LCOR: variants seen among roughly 807,000 people sequenced by gnomAD.
LCOR encodes the protein ligand dependent nuclear receptor corepressor.
A neutral mutation model predicts 64.4 loss-of-function variants in LCOR; 14 were observed. The ratio of observed to expected loss-of-function variants is 0.22; its 90% CI spans 0.14 to 0.34. LCOR has a LOEUF of 0.34. Ranked by LOEUF, LCOR falls within the 10% of genes least tolerant of loss-of-function variation. The pLI, the probability that LCOR is intolerant of heterozygous loss-of-function variation, is 1.00. For synonymous variants in LCOR, 643 were observed against 642.5 expected (o/e 1.00, Z -0.01); for missense variants, 1,686 against 1,765.3 (o/e 0.96, Z 0.80).
In LCOR at chr10:96,842,637, T is replaced by C. The variant is rs189951687; in HGVS notation, c.-330+9158T>C. ...GCTTTTTTTTCTTTTCTTTTCTTTTTTTTTTTTTTTTGAGACTGAGTCTGG... is the reference window on the plus strand; with the variant it reads ...GCTTTTTTTTCTTTTCTTTTCTTTTCTTTTTTTTTTTGAGACTGAGTCTGG... On this transcript the variant is annotated intron_variant, in intron 2 of 7. Coordinates refer to ENST00000421806, the MANE Select transcript of LCOR (RefSeq NM_001346516.2). 3.3e-3 allele frequency among the ~76,000 whole-genome samples: 489 copies of C among 149,922 alleles called. 2 individuals carry two copies. The highest frequency in any genetic ancestry group is 0.011 in the African/African-American group (450 of 40,966).
chr10:96,983,211 CAAA>C lies in LCOR; in HGVS notation c.2752_2754del (p.Lys918del), dbSNP rs778221901. The C allele has an allele frequency of 1.9e-5, 30 of 1,614,120 alleles. No homozygotes were observed. In the East Asian group the frequency reaches 6.2e-4, roughly 34 times the overall value. On this transcript the variant is annotated inframe_deletion, in exon 8 of 8. Transcript: ENST00000421806. This position sits in a 1 kb window ranked among gnomAD's most constrained non-coding sequence, Gnocchi z 4.5. ...GGCAGACTTTGAAAAACATGCTGGA[CAAA>C]GAAGTCAAGGAGTTACGAGGAGAGA...
chr10:96,870,218 C>T, intron 2 of LCOR, among the ~76,000 whole-genome samples: 1 of 151,770 alleles, frequency 6.6e-6, no homozygotes, highest in Non-Finnish European at 1.5e-5. Flanking sequence ...GACGGGGTTT[C>T]ACCAGGATGG....
rs142231030 is a variant in LCOR at position 96,982,109 on chromosome 10, C to A, written c.1649C>A (p.Ala550Asp). 1.9e-6 allele frequency: 3 copies of A among 1,614,074 alleles called. No individual in the cohort carries two copies. The African/African-American group carries it at 4.0e-5, about 22-fold the overall frequency. Residue 550 changes from alanine to aspartate, a missense_variant, in exon 8 of 8, where the codon GCC (alanine) becomes GAC (aspartate). Physicochemically the swap from Ala to Asp is moderately radical, Grantham distance 126 (BLOSUM62 -2). This residue lies in a region of LCOR where 1,293 missense variants were observed against 1,410.4 expected (regional missense o/e 0.92). Transcript: ENST00000421806. Reference sequence around the variant, plus strand: ...CCTAAGCAGACCCTTACAATTCCAGCCCCTAGACATACAGTAGATGTGCAG... The same window carrying A: ...CCTAAGCAGACCCTTACAATTCCAGACCCTAGACATACAGTAGATGTGCAG... ...FTPKQTLTIPAPRHTVDVQLP... is the reference protein window; with the variant it reads ...FTPKQTLTIPDPRHTVDVQLP...
intron 7 of LCOR, among the ~76,000 whole-genome samples, chr10:96,979,007 A>G (rs1848060389): frequency 6.6e-6 from 1 of 152,234 alleles, no homozygotes; most frequent in Non-Finnish European, 1.5e-5. Context: ...TAAATGTCAG[A>G]GCCAAAGGTG....
At chr10:96,832,879 C>T (rs1589590798) in intron 1 of LCOR, 2 of 590,298 alleles carry the variant, frequency 3.4e-6, no homozygotes, top group South Asian at 1.5e-4. Context: ...GCCACCCCTC[C>T]CCCACGCGCG....
intron 2 of LCOR, among the ~76,000 whole-genome samples, chr10:96,835,025 C>G (rs915768119): frequency 1.3e-5 from 2 of 152,164 alleles, no homozygotes; most frequent in African/African-American, 2.4e-5. Flanking sequence ...GTCAGCCTCC[C>G]GAGTAGCTGG....
At position 96,935,139 on chromosome 10, in the gene LCOR, C is replaced by CTTT. The variant is rs34176037; in HGVS notation, c.-183-8949_-183-8947dup. On this transcript the variant is annotated intron_variant, in intron 4 of 7. Transcript: ENST00000421806. ...TTTTCCTTATCTCCTGGCTATTTTA[C>CTTT]TTTTTTTTTTTTTTTTTTTTTTTTT... Among the ~76,000 whole-genome samples, 21 of 65,558 alleles carry CTTT rather than the reference C, an allele frequency of 3.2e-4. 1 individual carries two copies. Among genetic ancestry groups the CTTT allele is most frequent in the East Asian group, 1.7e-3 (3 of 1,796 alleles). The allele number at this position is 65,558 out of a possible 152,430, so 43.0% of individuals were successfully genotyped here. A position where few individuals can be genotyped will look rare whatever the true frequency, so the allele number is the denominator to read the frequency against.
chr10:96,846,969 A>C (rs986310845), intron 2 of LCOR, among the ~76,000 whole-genome samples: 19 of 152,218 alleles, frequency 1.2e-4, no homozygotes, highest in African/African-American at 4.6e-4. Context: ...AGAAAAGAGA[A>C]ATCAGGCTGG....
intron 4 of LCOR, among the ~76,000 whole-genome samples, chr10:96,928,219 C>G (rs908707954): frequency 6.6e-6 from 1 of 152,134 alleles, no homozygotes; most frequent in Admixed American, 6.5e-5. Context: ...GCATTTTACC[C>G]GTAGTAGAAC....
chr10:96,956,397 A>G lies in LCOR; in HGVS notation c.332+4201A>G, dbSNP rs971755068. The G allele has an allele frequency of 5.5e-5, 54 of 984,662 alleles. No individual in the cohort carries two copies. In the South Asian group the frequency reaches 2.2e-3, roughly 39 times the overall value. The allele number at this position is 984,662 out of a possible 1,614,324, so 61.0% of individuals were successfully genotyped here. ...ACAAAATTATTCACATTTTTCATCT[A>G]CGATTCAACTAATCGAAGGATTAAA... is the stretch of plus-strand genomic sequence containing the variant. On this transcript the variant is annotated intron_variant, in intron 7 of 7. Transcript: ENST00000421806.
chr10:96,915,486 A>G (rs2134463831), intron 4 of LCOR: 1 of 397,752 alleles, frequency 2.5e-6, no homozygotes, highest in Non-Finnish European at 4.7e-6. Context: ...GCGCCACTGC[A>G]CTCCAGCCTG....
intron 2 of LCOR, among the ~76,000 whole-genome samples, chr10:96,846,657 C>T (rs192197213): frequency 5.7e-4 from 86 of 152,188 alleles, no homozygotes; most frequent in African/African-American, 2.0e-3. Context: ...TTTTTATTTG[C>T]GTATATATTT....
rs78801672 is a variant in LCOR at position 96,926,834 on chromosome 10, T to G, written c.-183-17279T>G. On this transcript the variant is annotated intron_variant, in intron 4 of 7. Coordinates refer to ENST00000421806, the MANE Select transcript of LCOR (RefSeq NM_001346516.2). ...ACTTCTTTTTGTTAGCATAATTTTT[T>G]GGGTTTTATTTTTGTTTTTGTATAT... Among the ~76,000 whole-genome samples the G allele has an allele frequency of 2.0e-3, 307 of 152,292 alleles. 4 individuals are homozygous for G. The East Asian group carries it at 0.044, about 22-fold the overall frequency.
intron 4 of LCOR, among the ~76,000 whole-genome samples, chr10:96,920,646 A>G (rs12777399): frequency 1.4e-5 from 2 of 139,260 alleles, no homozygotes; most frequent in Admixed American, 7.1e-5. Context: ...ATATATGTGT[A>G]TATATGTGTA....
At chr10:96,844,053 A>G (rs1048554518) in intron 2 of LCOR, among the ~76,000 whole-genome samples, 2 of 151,638 alleles carry the variant, frequency 1.3e-5, no homozygotes, top group African/African-American at 4.9e-5. Context: ...GGGATTGGAA[A>G]TCAAAATTTT....
In LCOR at chr10:96,969,774, C is replaced by CTT. The variant is rs58881683; in HGVS notation, c.333-11005_333-11004dup. ...CAACAATTTTCTTTCTTTTTTTTTT[C>CTT]TTTTTTTTTTTTTTTCTTTTTTGAG... On this transcript the variant is annotated intron_variant, in intron 7 of 7. Transcript: ENST00000421806. 5.4e-3 allele frequency among the ~76,000 whole-genome samples: 669 copies of CTT among 124,114 alleles called. 8 individuals carry two copies. Among genetic ancestry groups the CTT allele is most frequent in the African/African-American group, 0.017 (550 of 32,592 alleles). The allele number at this position is 124,114 out of a possible 152,430, so 81.4% of individuals were successfully genotyped here.
intron 2 of LCOR, among the ~76,000 whole-genome samples, chr10:96,839,537 T>G (rs1845502998): frequency 6.6e-6 from 1 of 152,194 alleles, no homozygotes; most frequent in Non-Finnish European, 1.5e-5. Flanking sequence ...CACAAATGTT[T>G]TGAATGAATC....
chr10:96,965,566 G>A (rs1271270780), intron 7 of LCOR, among the ~76,000 whole-genome samples: 1 of 149,926 alleles, frequency 6.7e-6, no homozygotes, highest in Non-Finnish European at 1.5e-5. Flanking sequence ...GGAGGCTGAG[G>A]CAGGAGAATG....
At position 96,982,732 on chromosome 10, in the gene LCOR, C is replaced by G. The variant is rs1848103639; in HGVS notation, c.2272C>G (p.Pro758Ala). The change falls in exon 8 of 8, where the codon CCC (proline) becomes GCC (alanine). Residue 758 changes from proline to alanine, a missense_variant. Around this residue, in one of 3 missense-constraint regions of LCOR, gnomAD observed 1,293 missense variants for 1,410.4 expected, o/e 0.92. Coordinates refer to ENST00000421806, the MANE Select transcript of LCOR (RefSeq NM_001346516.2). ...KESSTFTDENPSETEESEAAG... is the reference protein window; with the variant it reads ...KESSTFTDENASETEESEAAG... ...AAGCAGCACTTTTACTGATGAAAAC[C>G]CCAGTGAAACTGAGGAAAGTGAGGC... The G allele has an allele frequency of 6.2e-7, 1 of 1,614,084 alleles. No individual in the cohort carries two copies. Among genetic ancestry groups the G allele is most frequent in the Non-Finnish European group, 8.5e-7 (1 of 1,180,026 alleles).
Sources: allele counts gnomAD v4.1 joint callset (sites outside exome capture counted in the v4.1 genomes callset), GRCh38; gene constraint gnomAD v4.1.1; regional missense constraint gnomAD v4.1.1; non-coding constraint Gnocchi (gnomAD v3.1); transcripts MANE v1.5; gene names NCBI Gene and HGNC (gene_info 2026-07-23, HGNC 2026-07-21).